Variants in SLC5A4 observed in about 807,000 individuals in gnomAD.
SLC5A4 encodes probable glucose sensor protein SLC5A4.
SLC5A4 carries 55 observed loss-of-function variants against 70.3 expected under a neutral mutation model. The ratio of observed to expected loss-of-function variants is 0.78; its 90% confidence interval spans 0.63 to 0.98. The LOEUF is 0.98. Ranked by LOEUF, SLC5A4 falls within the 50% of genes least tolerant of loss-of-function variation. SLC5A4 has a pLI of 0.00. For synonymous variants in SLC5A4, 268 were observed against 305.7 expected (o/e 0.88, Z 1.29); for missense variants, 735 against 839.2 (o/e 0.88, Z 1.53).
At position 32,218,654 on chromosome 22, in the gene SLC5A4, TGG is replaced by T. The variant is rs754836742; in HGVS notation, c.1838_1839del (p.Pro613GlnfsTer19). 1 of 1,613,962 alleles carries T rather than the reference TGG, an allele frequency of 6.2e-7. No individual in the cohort carries two copies. Among genetic ancestry groups the T allele is most frequent in the Non-Finnish European group, 8.5e-7 (1 of 1,179,990 alleles). ...YDLFCGLQKG[P>X]KLTKEEEEAL... is the part of the protein sequence containing the mutation. The stretch of plus-strand genomic sequence containing the variant: ...GCTTCCTCCTCCTCCTTGGTTAGCT[TGG>T]GTCCCTTCTGCAAACCGCAGAACAA... On this transcript the variant is annotated frameshift_variant, in exon 15 of 15. Transcript: ENST00000266086. LOFTEE classifies it low-confidence loss of function (END_TRUNC).
the SLC5A4 span, among the ~76,000 whole-genome samples, chr22:32,310,059 A>AT: frequency 5.4e-4 from 3 of 5,506 alleles, no homozygotes; most frequent in Admixed American, 6.0e-3. Context: ...CGGGGTGGGG[A>AT]GGGGGGAGGG....
the SLC5A4 span, among the ~76,000 whole-genome samples, chr22:32,329,334 A>G: frequency 1.3e-5 from 2 of 152,226 alleles, no homozygotes; most frequent in Non-Finnish European, 2.9e-5. Context: ...GAGACACTGC[A>G]TGTAACAACA....
At chr22:32,332,311 A>G in the SLC5A4 span, among the ~76,000 whole-genome samples, 1 of 151,754 alleles carries the variant, frequency 6.6e-6, no homozygotes, top group Non-Finnish European at 1.5e-5. Flanking sequence ...TTCCTCCCCC[A>G]CACTCATGCC....
intron 6 of SLC5A4, among the ~76,000 whole-genome samples, chr22:32,237,645 G>A (rs372020936): frequency 3.8e-4 from 58 of 152,066 alleles, no homozygotes; most frequent in African/African-American, 1.3e-3. Context: ...CTCAATTTAC[G>A]CCCATTCAGC....
At chr22:32,224,221 A>G (rs1433172114) in intron 13 of SLC5A4, 46 bp downstream of exon 13, 12 of 1,487,294 alleles carry the variant, frequency 8.1e-6, no homozygotes, top group Non-Finnish European at 1.1e-5. Context: ...CGCCCGGCCA[A>G]GAACTCTTAT....
At chr22:32,299,407 A>G in the SLC5A4 span, among the ~76,000 whole-genome samples, 1 of 117,502 alleles carries the variant, frequency 8.5e-6, no homozygotes, top group Non-Finnish European at 1.8e-5. Flanking sequence ...CATTCATTTC[A>G]TCTTCCATCG....
chr22:32,266,481 A>G, the SLC5A4 span, among the ~76,000 whole-genome samples: 1 of 152,388 alleles, frequency 6.6e-6, no homozygotes, highest in South Asian at 2.1e-4. Context: ...CACACTTTAC[A>G]GATTAAGCAC....
chr22:32,237,613 T>C (rs1356382935), intron 6 of SLC5A4, among the ~76,000 whole-genome samples: 1 of 152,224 alleles, frequency 6.6e-6, no homozygotes, highest in African/African-American at 2.4e-5. Flanking sequence ...TTTAATACCA[T>C]GAAAGTTTCT....
upstream of SLC5A4, among the ~76,000 whole-genome samples, chr22:32,256,495 T>C (rs574439761): frequency 6.6e-6 from 1 of 152,322 alleles, no homozygotes; most frequent in South Asian, 2.1e-4. Context: ...TACAGTGTTA[T>C]GCAGCCATTA....
the SLC5A4 span, among the ~76,000 whole-genome samples, chr22:32,292,303 TTA>T: frequency 2.1e-5 from 3 of 140,914 alleles, no homozygotes; most frequent in African/African-American, 7.8e-5. Flanking sequence ...ATACTAGATA[TTA>T]TATATATTTT....
chr22:32,333,559 C>T, the SLC5A4 span, among the ~76,000 whole-genome samples: 9,322 of 152,152 alleles, frequency 0.061, 310 homozygotes, highest in South Asian at 0.098. Flanking sequence ...CACTGTGGCC[C>T]TGATCATCGG....
chr22:32,245,500 G>A lies in SLC5A4; in HGVS notation c.477+1911C>T, dbSNP rs145400215. ...GTTCTATGCCTTCATGCCTTCTCAT[G>A]CTCTTTTTTAAATAAAAATTTTATT... On this transcript the variant is annotated intron_variant, in intron 5 of 14. Transcript: ENST00000266086. 2.6e-3 allele frequency among the ~76,000 whole-genome samples: 390 copies of A among 152,210 alleles called. 1 individual carries two copies. Among genetic ancestry groups the A allele is most frequent in the African/African-American group, 9.2e-3 (380 of 41,528 alleles).
the SLC5A4 span, among the ~76,000 whole-genome samples, chr22:32,310,668 T>C: frequency 5.9e-5 from 9 of 152,220 alleles, no homozygotes; most frequent in Non-Finnish European, 1.0e-4. Context: ...ACCCAAAGAC[T>C]GAGGCCAGGG....
chr22:32,224,069 C>G (rs1274856185), intron 13 of SLC5A4, among the ~76,000 whole-genome samples, 198 bp downstream of exon 13: 1 of 152,046 alleles, frequency 6.6e-6, no homozygotes, highest in Non-Finnish European at 1.5e-5. Context: ...TACAGGTGCC[C>G]ACCACCACAC....
intron 7 of SLC5A4, 49 bp downstream of exon 7, chr22:32,237,195 G>A (rs754851450): frequency 6.8e-6 from 9 of 1,319,904 alleles, no homozygotes; most frequent in East Asian, 2.4e-5. Context: ...ACAGAAACAA[G>A]TCCCGTGATT....
chr22:32,331,744 G>A, the SLC5A4 span, among the ~76,000 whole-genome samples: 2 of 152,104 alleles, frequency 1.3e-5, no homozygotes, highest in Non-Finnish European at 2.9e-5. Flanking sequence ...GACAGGCGGA[G>A]GGCAGGACAC....
the SLC5A4 span, among the ~76,000 whole-genome samples, chr22:32,282,109 C>G: frequency 6.6e-6 from 1 of 152,202 alleles, no homozygotes; most frequent in Non-Finnish European, 1.5e-5. Context: ...TCCCAAAGTG[C>G]TGGGATTACA....
chr22:32,333,876 C>T, the SLC5A4 span, among the ~76,000 whole-genome samples: 1 of 151,130 alleles, frequency 6.6e-6, no homozygotes, highest in Non-Finnish European at 1.5e-5. Flanking sequence ...ACCCACAATA[C>T]ACATACACAC....
chr22:32,338,486 C>A, the SLC5A4 span, among the ~76,000 whole-genome samples: 112 of 152,156 alleles, frequency 7.4e-4, no homozygotes, highest in African/African-American at 2.6e-3. Context: ...TCCCCCACCA[C>A]CCACCCTGTC....
Sources: allele counts gnomAD v4.1 joint callset (sites outside exome capture counted in the v4.1 genomes callset), GRCh38; gene constraint gnomAD v4.1.1; transcripts MANE v1.5; gene names NCBI Gene and HGNC (gene_info 2026-07-23, HGNC 2026-07-21).